SIL1: variants seen among roughly 807,000 people sequenced by gnomAD.
SIL1 encodes SIL1 nucleotide exchange factor, also known as nucleotide exchange factor SIL1.
A neutral mutation model predicts 49.1 loss-of-function variants in SIL1; 40 were observed. The observed-to-expected ratio is 0.81, with a 90% CI of 0.63 to 1.06. SIL1 has a LOEUF of 1.06. Ranked by LOEUF, SIL1 falls within the 50% of genes least tolerant of loss-of-function variation. The probability of loss-of-function intolerance (pLI) is 0.00; values close to 1 mark genes in which losing one functional copy is unlikely to be tolerated. For missense variants in SIL1, 500 were observed against 572.6 expected (o/e 0.87, Z 1.29); for synonymous variants, 253 against 250.8 (o/e 1.01, Z -0.08).
intron 3 of SIL1, among the ~76,000 whole-genome samples, chr5:139,104,036 A>C (rs1770649684): frequency 6.6e-6 from 1 of 152,182 alleles, no homozygotes; most frequent in African/African-American, 2.4e-5. Flanking sequence ...GGGTTCCTAC[A>C]ACAAGTGCTT....
chr5:139,044,751 C>G (rs1769116302), intron 4 of SIL1, among the ~76,000 whole-genome samples: 1 of 152,148 alleles, frequency 6.6e-6, no homozygotes, highest in Non-Finnish European at 1.5e-5. Context: ...TCAATTTCTC[C>G]CTTCAGCTGG....
intron 3 of SIL1, among the ~76,000 whole-genome samples, chr5:139,064,528 C>T (rs1266155563): frequency 6.6e-6 from 1 of 152,216 alleles, no homozygotes; most frequent in Non-Finnish European, 1.5e-5. Context: ...GCAACTTTAA[C>T]AAAACGAGGT....
chr5:139,164,037 T>G (rs1482817924), intron 1 of SIL1, among the ~76,000 whole-genome samples: 1 of 149,440 alleles, frequency 6.7e-6, no homozygotes, highest in Non-Finnish European at 1.5e-5. Context: ...AAGAATAGCT[T>G]GAGCCCAGGA....
At chr5:139,086,786 C>G (rs1022157525) in intron 3 of SIL1, among the ~76,000 whole-genome samples, 1 of 151,600 alleles carries the variant, frequency 6.6e-6, no homozygotes, top group South Asian at 2.1e-4. Flanking sequence ...ATGGTGAAAA[C>G]CTGTCTCTAC....
At chr5:139,014,703 T>C (rs995232712) in intron 7 of SIL1, among the ~76,000 whole-genome samples, 2 of 152,202 alleles carry the variant, frequency 1.3e-5, no homozygotes, top group East Asian at 3.9e-4. Flanking sequence ...TTGAAAAAAG[T>C]AATCAGACTT....
At chr5:139,163,488 G>T (rs937848298) in intron 1 of SIL1, among the ~76,000 whole-genome samples, 1 of 151,754 alleles carries the variant, frequency 6.6e-6, no homozygotes, top group South Asian at 2.1e-4. Context: ...TCCTGCCTCC[G>T]CCTCCTGAGT....
At chr5:139,086,108 GAA>G (rs34177563) in intron 3 of SIL1, among the ~76,000 whole-genome samples, 14,043 of 139,444 alleles carry the variant, frequency 0.1, 1,509 homozygotes, top group African/African-American at 0.28. Flanking sequence ...CGACTCTACC[GAA>G]AAAAAAAAAA....
chr5:139,186,515 T>A (rs1752079909), intron 1 of SIL1, among the ~76,000 whole-genome samples: 1 of 152,164 alleles, frequency 6.6e-6, no homozygotes, highest in South Asian at 2.1e-4. Context: ...GCCTCCCATA[T>A]GACATGAGGA....
chr5:138,958,942 T>C (rs1414490689), intron 7 of SIL1, among the ~76,000 whole-genome samples: 1 of 152,244 alleles, frequency 6.6e-6, no homozygotes, highest in African/African-American at 2.4e-5. Context: ...TCAGTATGGA[T>C]TAATAGATTC....
intron 7 of SIL1, among the ~76,000 whole-genome samples, chr5:139,003,327 GC>G (rs1167323813): frequency 6.6e-6 from 1 of 152,130 alleles, no homozygotes; most frequent in African/African-American, 2.4e-5. Flanking sequence ...CTTCTGGGAA[GC>G]AAGCCCTTGG....
chr5:139,037,120 G>C (rs2150441691), intron 5 of SIL1, among the ~76,000 whole-genome samples: 1 of 151,712 alleles, frequency 6.6e-6, no homozygotes, highest in Admixed American at 6.5e-5. Flanking sequence ...ATTCTGTGTG[G>C]ACAGTTCATT....
At chr5:139,017,168 T>C (rs1176296040) in intron 7 of SIL1, 2 of 152,188 alleles carry the variant, frequency 1.3e-5, no homozygotes, top group Non-Finnish European at 2.9e-5. Context: ...TTAAAATTAA[T>C]TGGTAAACCC....
rs144340509 is a variant in SIL1, at chr5:138,970,176, T to C, written c.768-18292A>G. On this transcript the variant is annotated intron_variant, in intron 7 of 9. Transcript: ENST00000394817. ...AGAGAGGAAGGGAGATGAAAATGTA[T>C]GCACAGATGACAGGATTCACTGCCA... is the stretch of plus-strand genomic sequence containing the variant. 7.3e-3 allele frequency among the ~76,000 whole-genome samples: 1,117 copies of C among 152,348 alleles called. 16 individuals carry two copies. The highest frequency in any genetic ancestry group is 0.021 in the African/African-American group (874 of 41,570).
chr5:139,040,506 T>TTTTTTTC (rs1769022658), intron 5 of SIL1, among the ~76,000 whole-genome samples: 1 of 143,492 alleles, frequency 7.0e-6, no homozygotes, highest in Non-Finnish European at 1.5e-5. Flanking sequence ...TTCTTTTTTT[T>TTTTTTTC]TTTTTTTTTG....
intron 9 of SIL1, among the ~76,000 whole-genome samples, chr5:138,950,164 G>GAACA (rs1319856630): frequency 6.6e-6 from 1 of 152,214 alleles, no homozygotes; most frequent in African/African-American, 2.4e-5. Flanking sequence ...AGACACCAGA[G>GAACA]AACAGAGCCC....
rs755486409 is a variant in SIL1, at chr5:138,951,208, C to A, written c.992G>T (p.Arg331Leu). The change falls in exon 9 of 10, where the codon CGC (arginine) becomes CTC (leucine). Residue 331 changes from arginine (R) to leucine (L), a missense_variant. Transcript: ENST00000394817. The part of the protein sequence containing the change: ...QEKGTEVLAV[R>L]VVTLLYDLVT... ...CAGGTCGTAGAGCAGTGTGACCACG[C>A]GCACGGCGAGCACCTCCGTGCCCTT... 14 of 1,610,236 alleles carry A rather than the reference C, an allele frequency of 8.7e-6. No homozygotes were observed. The highest frequency in any genetic ancestry group is 1.3e-5 in the African/African-American group (1 of 74,872).
At chr5:139,089,635 G>A (rs1008952133) in intron 3 of SIL1, among the ~76,000 whole-genome samples, 15 of 152,218 alleles carry the variant, frequency 9.9e-5, no homozygotes, top group African/African-American at 3.1e-4. Flanking sequence ...AAGGCATGAA[G>A]TATTGATACA....
chr5:139,073,267 G>A (rs13181793), intron 3 of SIL1, among the ~76,000 whole-genome samples: 59,447 of 152,022 alleles, frequency 0.39, 12,206 homozygotes, highest in Middle Eastern at 0.46. Flanking sequence ...TGTTTACTAC[G>A]TTATTCACAA....
At chr5:139,047,390 T>C (rs1769189530) in intron 4 of SIL1, among the ~76,000 whole-genome samples, 1 of 152,232 alleles carries the variant, frequency 6.6e-6, no homozygotes, top group Admixed American at 6.5e-5. Context: ...GTCCCAGGCT[T>C]TAGAGCCCAC....
Sources: gnomAD v4.1 joint callset for allele counts (sites outside exome capture counted in the v4.1 genomes callset) on GRCh38, gnomAD v4.1.1 for gene constraint, MANE v1.5 for transcripts, NCBI Gene and HGNC (gene_info 2026-07-23, HGNC 2026-07-21) for gene names.